Variants in GRTP1 observed in about 807,000 individuals in gnomAD.
The protein encoded by GRTP1 is growth hormone-regulated TBC protein 1.
In GRTP1, 56 loss-of-function variants were observed where a neutral mutation model predicts 38.1. The ratio of observed to expected loss-of-function variants is 1.47; its 90% CI spans 1.19 to 1.84. GRTP1 has a LOEUF of 1.84. Among genes scored for constraint, GRTP1 ranks in the 40% most tolerant of loss-of-function variants. The pLI, the probability that GRTP1 is intolerant of heterozygous loss-of-function variation, is 0.00. For missense variants in GRTP1, 506 were observed against 453.9 expected, an observed-to-expected ratio of 1.11 and a Z score of -1.04; for synonymous variants, 217 against 189.5, an observed-to-expected ratio of 1.14 and a Z score of -1.19.
chr13:113,338,988 A>G (rs2139433902), intron 5 of GRTP1, among the ~76,000 whole-genome samples: 1 of 142,114 alleles, frequency 7.0e-6, no homozygotes, highest in Admixed American at 7.7e-5. Context: ...GTCTCGGCTC[A>G]CTGCAACCTC....
chr13:113,357,033 C>T (rs190554176), intron 2 of GRTP1, among the ~76,000 whole-genome samples: 11 of 68,202 alleles, frequency 1.6e-4, no homozygotes, highest in African/African-American at 4.7e-4. Flanking sequence ...TCTTAAGGGC[C>T]GGGCGCAGTG....
At chr13:113,353,693 C>A (rs558568646) in intron 3 of GRTP1, among the ~76,000 whole-genome samples, 1 of 152,262 alleles carries the variant, frequency 6.6e-6, no homozygotes, top group African/African-American at 2.4e-5. Context: ...GGGTTCAGTG[C>A]TTAACAATGG....
chr13:113,357,456 A>AAG (rs2043416189), intron 2 of GRTP1, among the ~76,000 whole-genome samples: 3 of 150,440 alleles, frequency 2.0e-5, no homozygotes. Context: ...AAAAAAAAAA[A>AAG]AAAAAGAATC....
intron 5 of GRTP1, among the ~76,000 whole-genome samples, chr13:113,335,942 G>A (rs892911184): frequency 8.5e-5 from 13 of 152,088 alleles, no homozygotes; most frequent in South Asian, 2.1e-4. Context: ...ATAGATGCCC[G>A]CCACCACGCC....
intron 3 of GRTP1, among the ~76,000 whole-genome samples, chr13:113,352,256 A>ATATATATTTT (rs2043283521): frequency 2.1e-5 from 1 of 48,684 alleles, no homozygotes; most frequent in Non-Finnish European, 3.8e-5. Context: ...ATATATATTT[A>ATATATATTTT]TATATTTTTA....
At chr13:113,360,143 G>A (rs910258249) in intron 2 of GRTP1, 1 of 152,106 alleles carries the variant, frequency 6.6e-6, no homozygotes, top group African/African-American at 2.4e-5. Context: ...AGAAGCCAAC[G>A]GCCCTGAAGC....
intron 5 of GRTP1, chr13:113,340,017 A>C (rs1474755268): frequency 6.6e-6 from 1 of 151,908 alleles, no homozygotes; most frequent in South Asian, 2.1e-4. Flanking sequence ...TGATTAATTA[A>C]TCAGTTATTT....
intron 5 of GRTP1, among the ~76,000 whole-genome samples, chr13:113,331,152 G>A (rs367857611): frequency 1.4e-4 from 21 of 151,326 alleles, no homozygotes; most frequent in African/African-American, 4.4e-4. Flanking sequence ...ATGGGAACCC[G>A]GGTGTGTGCA....
At position 113,324,586 on chromosome 13, in the gene GRTP1, C is replaced by T; in HGVS notation, c.922-9G>A. On this transcript the variant is annotated splice_polypyrimidine_tract_variant and intron_variant, in intron 7 of 7. Coordinates refer to ENST00000375431, the MANE Select transcript of GRTP1 (RefSeq NM_024719.4). Reference sequence around the variant, plus strand: ...GGTTCTGAAAATATTTTCTGGAAGGCAAACAGTTAGTTTAAAAACAAACCC... The same window carrying T: ...GGTTCTGAAAATATTTTCTGGAAGGTAAACAGTTAGTTTAAAAACAAACCC... 6.3e-7 allele frequency: 1 copy of T among 1,596,816 alleles called. No individual in the cohort carries two copies. The highest frequency in any genetic ancestry group is 2.3e-5 in the East Asian group (1 of 43,992).
chr13:113,347,146 G>C (rs1365086583), intron 4 of GRTP1, among the ~76,000 whole-genome samples: 1 of 43,200 alleles, frequency 2.3e-5, no homozygotes, highest in Non-Finnish European at 4.5e-5. Flanking sequence ...CTGTGGCAGA[G>C]AGCAGACCCG....
At position 113,355,556 on chromosome 13, in the gene GRTP1, T is replaced by C. The variant is rs1223867084; in HGVS notation, c.182-75A>G. The C allele has an allele frequency of 4.1e-6, 6 of 1,453,590 alleles. No homozygotes were observed. In the Admixed American group the frequency reaches 1.2e-4, roughly 30 times the overall value. The allele number at this position is 1,453,590 out of a possible 1,614,324, so 90.0% of individuals were successfully genotyped here. Reference sequence around the variant, plus strand: ...GGGCCCACGCGTTCCTGCCACACTTTCCACTCTCACCAGTTCTCTTCTTAA... The same window carrying C: ...GGGCCCACGCGTTCCTGCCACACTTCCCACTCTCACCAGTTCTCTTCTTAA... On this transcript the variant is annotated intron_variant, in intron 2 of 7. Transcript: ENST00000375431.
rs1338943240 is a variant in GRTP1, at chr13:113,348,382, T to C, written c.465+2467A>G. Among the ~76,000 whole-genome samples, 2 of 151,838 alleles carry C rather than the reference T, an allele frequency of 1.3e-5. No homozygotes were observed. The highest frequency in any genetic ancestry group is 2.4e-5 in the African/African-American group (1 of 41,326). On this transcript the variant is annotated intron_variant, in intron 4 of 7. Coordinates refer to ENST00000375431, the MANE Select transcript of GRTP1 (RefSeq NM_024719.4). The surrounding 1 kb of genome is among the most constrained non-coding windows in gnomAD (Gnocchi z 4.8). Reference sequence around the variant, plus strand: ...GGGAAAATCGCTTGAGCAAAGGAGGTTGAGGCTGCAGTGAGCCGAGATCAC... The same window carrying C: ...GGGAAAATCGCTTGAGCAAAGGAGGCTGAGGCTGCAGTGAGCCGAGATCAC...
intron 5 of GRTP1, among the ~76,000 whole-genome samples, chr13:113,335,845 C>T (rs576963369): frequency 2.0e-3 from 303 of 151,752 alleles, no homozygotes; most frequent in African/African-American, 6.8e-3. Context: ...CAGGCTGGAG[C>T]GTAGTGGTAC....
chr13:113,337,178 C>T (rs536743501), intron 5 of GRTP1, among the ~76,000 whole-genome samples: 6 of 152,252 alleles, frequency 3.9e-5, no homozygotes, highest in East Asian at 1.9e-4. Flanking sequence ...CCTGCAGTCC[C>T]TGCTAGTTGG....
At chr13:113,363,354 G>C (rs541479597) in intron 2 of GRTP1, among the ~76,000 whole-genome samples, 29 of 152,294 alleles carry the variant, frequency 1.9e-4, no homozygotes, top group African/African-American at 7.0e-4. Flanking sequence ...ACTACAGGCA[G>C]GAGCCACCAC....
At chr13:113,355,935 G>A (rs1446318811) in intron 2 of GRTP1, among the ~76,000 whole-genome samples, 1 of 152,192 alleles carries the variant, frequency 6.6e-6, no homozygotes, top group African/African-American at 2.4e-5. Context: ...TGTCCAACTC[G>A]TGCAGTTAAT....
In GRTP1 at chr13:113,363,757, C is replaced by T; in HGVS notation, c.181+5G>A. On this transcript the variant is annotated splice_donor_5th_base_variant and intron_variant, in intron 2 of 7. Coordinates refer to ENST00000375431, the MANE Select transcript of GRTP1 (RefSeq NM_024719.4). The stretch of plus-strand genomic sequence containing the variant: ...TCGGGACCCACCTGCGCCCCCGGGA[C>T]CCACCTGTCCGGCTCCTGGGGACGC... The T allele has an allele frequency of 6.2e-7, 1 of 1,606,776 alleles. No individual in the cohort carries two copies. The highest frequency in any genetic ancestry group is 1.1e-5 in the South Asian group (1 of 90,138).
At position 113,331,124 on chromosome 13, in the gene GRTP1, G is replaced by A. The variant is rs116180267; in HGVS notation, c.563-5033C>T. Among the ~76,000 whole-genome samples the A allele has an allele frequency of 1.6e-3, 248 of 152,130 alleles. 2 individuals are homozygous for A. The highest frequency in any genetic ancestry group is 5.3e-3 in the African/African-American group (219 of 41,488). On this transcript the variant is annotated intron_variant, in intron 5 of 7. Coordinates refer to ENST00000375431, the MANE Select transcript of GRTP1 (RefSeq NM_024719.4). ...TGCATGGGAGCCCGGGTGTGTGCAC[G>A]AAAGCCTAGGTGTGTGCATGGGAAC...
At chr13:113,355,610 G>T in intron 2 of GRTP1, 129 bp from the exon 3 acceptor site, 1 of 1,139,836 alleles carries the variant, frequency 8.8e-7, no homozygotes, top group South Asian at 1.9e-5. Context: ...CCAGAACTTC[G>T]TCCATCTCCA....
Sources: gnomAD v4.1 joint callset for allele counts (sites outside exome capture counted in the v4.1 genomes callset) on GRCh38, gnomAD v4.1.1 for gene constraint, Gnocchi (gnomAD v3.1) non-coding constraint, MANE v1.5 for transcripts, NCBI Gene and HGNC (gene_info 2026-07-23, HGNC 2026-07-21) for gene names.